POLDIP2: variants seen among roughly 807,000 people sequenced by gnomAD.
POLDIP2 encodes the protein DNA polymerase delta interacting protein 2, also known as polymerase delta-interacting protein 2.
In POLDIP2, 32 loss-of-function variants were observed where a neutral mutation model predicts 52.9. The observed-to-expected ratio is 0.61, with a 90% confidence interval of 0.46 to 0.81. The LOEUF is 0.81. Among genes scored for constraint, POLDIP2 ranks in the 40% least tolerant of loss-of-function variants. The probability of loss-of-function intolerance (pLI) is 0.00; values close to 1 mark genes in which losing one functional copy is unlikely to be tolerated. For missense variants in POLDIP2, 371 were observed against 477.3 expected, an observed-to-expected ratio of 0.78 and a Z score of 2.07; for synonymous variants, 183 against 183.0, an observed-to-expected ratio of 1.00 and a Z score of 0.00.
chr17:28,353,520 C>CAAAAAAAAAAAACAAAAAAAAAAAAAAAA (rs1907897562), intron 4 of POLDIP2, among the ~76,000 whole-genome samples, 175 bp downstream of exon 4: 1 of 54,814 alleles, frequency 1.8e-5, no homozygotes, highest in Non-Finnish European at 3.0e-5. Flanking sequence ...GACTCCATAT[C>CAAAAAAAAAAAACAAAAAAAAAAAAAAAA]AAAAAAAAAA....
intron 2 of POLDIP2, among the ~76,000 whole-genome samples, chr17:28,354,931 C>A (rs1907957633): frequency 6.6e-6 from 1 of 152,204 alleles, no homozygotes; most frequent in Admixed American, 6.5e-5. Context: ...TCTGATTTAA[C>A]CCTAATGCAC....
chr17:28,350,655 A>T (rs1338710904), intron 8 of POLDIP2, 92 bp from the exon 9 acceptor site: 1 of 1,560,484 alleles, frequency 6.4e-7, no homozygotes, highest in African/African-American at 1.4e-5. Flanking sequence ...AACAAAGCTG[A>T]CACATGCACT....
At position 28,353,520 on chromosome 17, in the gene POLDIP2, C is replaced by CAAAAAAAAAAAAAAA. The variant is rs71135829; in HGVS notation, c.438+160_438+174dup. On this transcript the variant is annotated intron_variant, in intron 4 of 10. Coordinates refer to ENST00000540200, the MANE Select transcript of POLDIP2 (RefSeq NM_015584.5). Reference sequence around the variant, plus strand: ...CTGGCGACAGAGTGAGACTCCATATCAAAAAAAAAAAAAAAGACGTGAATC... The same window carrying CAAAAAAAAAAAAAAA: ...CTGGCGACAGAGTGAGACTCCATATCAAAAAAAAAAAAAAAAAAAAAAAAAAAAAAGACGTGAATC... 2.2e-3 allele frequency among the ~76,000 whole-genome samples: 121 copies of CAAAAAAAAAAAAAAA among 54,738 alleles called. 20 individuals carry two copies. The highest frequency in any genetic ancestry group is 3.1e-3 in the Non-Finnish European group (101 of 33,006). 35.9% of individuals were successfully genotyped at this position (54,738 alleles called of 152,430 possible).
chr17:28,351,499 ACT>A (rs1269491760), intron 7 of POLDIP2, among the ~76,000 whole-genome samples, 163 bp downstream of exon 7: 1 of 152,150 alleles, frequency 6.6e-6, no homozygotes, highest in Non-Finnish European at 1.5e-5. Context: ...GGTGTCAGCC[ACT>A]GTCTAGAGGC....
intron 10 of POLDIP2, 45 bp from the exon 11 acceptor site, chr17:28,348,276 C>T: frequency 7.5e-7 from 1 of 1,330,688 alleles, no homozygotes; most frequent in Non-Finnish European, 1.1e-6. Flanking sequence ...AGGGCTGAGG[C>T]CTCCTAAGGA....
Position 28,353,762 on chromosome 17 carries a change from T to C in POLDIP2, c.371A>G (p.Lys124Arg). ...KAENPAGHGS[K>R]EVKGKTHTYY... Reference sequence around the variant, plus strand: ...AGTGTGAGTTTTGCCTTTCACCTCCTTGGAGCCATGGCCAGCAGGGTTCTC... The same window carrying C: ...AGTGTGAGTTTTGCCTTTCACCTCCCTGGAGCCATGGCCAGCAGGGTTCTC... Residue 124 changes from lysine to arginine, a missense_variant, in exon 4 of 11, where the codon AAG becomes AGG. By Grantham distance (26) the Lys-to-Arg change is conservative. Transcript: ENST00000540200. 3 of 1,613,312 alleles carry C rather than the reference T, an allele frequency of 1.9e-6. No individual in the cohort carries two copies. Among genetic ancestry groups the C allele is most frequent in the Non-Finnish European group, 2.5e-6 (3 of 1,179,486 alleles).
intron 3 of POLDIP2, among the ~76,000 whole-genome samples, chr17:28,354,198 G>A (rs1178045147): frequency 1.3e-5 from 2 of 152,100 alleles, no homozygotes; most frequent in East Asian, 1.9e-4. Flanking sequence ...GACTCCAGCT[G>A]AACATCAAGA....
rs1907807635 is a variant in POLDIP2, at chr17:28,351,869, C to T, written c.623-69G>A. On this transcript the variant is annotated intron_variant, in intron 6 of 10. Coordinates refer to ENST00000540200, the MANE Select transcript of POLDIP2 (RefSeq NM_015584.5). ...TACAATTGTATCTAGTCCAATCACA[C>T]AATAGTCCAGTGCGATTGCCCCTCC... The T allele has an allele frequency of 2.8e-6, 4 of 1,441,100 alleles. No individual in the cohort carries two copies. In the South Asian group the frequency reaches 3.4e-5, roughly 12 times the overall value. The allele number at this position is 1,441,100 out of a possible 1,614,324, so 89.3% of individuals were successfully genotyped here.
chr17:28,352,613 C>T (rs1555580229), intron 6 of POLDIP2, among the ~76,000 whole-genome samples: 2 of 148,136 alleles, frequency 1.4e-5, no homozygotes, highest in Non-Finnish European at 3.0e-5. Flanking sequence ...TCTCGGCTCA[C>T]TGCAACCTCC....
intron 4 of POLDIP2, among the ~76,000 whole-genome samples, 173 bp downstream of exon 4, chr17:28,353,520 CAA>C (rs71135829): frequency 9.1e-5 from 5 of 54,800 alleles, no homozygotes; most frequent in East Asian, 2.1e-3. Flanking sequence ...GACTCCATAT[CAA>C]AAAAAAAAAA....
chr17:28,348,171 G>C lies in POLDIP2; in HGVS notation c.1053C>G (p.Phe351Leu). 1 of 1,613,962 alleles carries C rather than the reference G, an allele frequency of 6.2e-7. No individual in the cohort carries two copies. The highest frequency in any genetic ancestry group is 8.5e-7 in the Non-Finnish European group (1 of 1,179,822). The change falls in exon 11 of 11, where the codon TTC becomes TTG. Residue 351 changes from phenylalanine to leucine, a missense_variant. Physicochemically the swap from Phe to Leu is conservative, Grantham distance 22. Coordinates refer to ENST00000540200, the MANE Select transcript of POLDIP2 (RefSeq NM_015584.5). ...GSHFDVRIPP[F>L]SLESNKDEKT... ...TCTCATCTTTATTGCTTTCCAGGGA[G>C]AAGGGAGGAATCCGAACATCAAAGT...
At chr17:28,353,658 G>A (rs372448666) in intron 4 of POLDIP2, 37 bp downstream of exon 4, 20 of 1,415,224 alleles carry the variant, frequency 1.4e-5, no homozygotes, top group Non-Finnish European at 4.0e-6. Context: ...ACTTTCCATG[G>A]AGAGGACCCC....
At chr17:28,356,006 C>A in intron 1 of POLDIP2, 130 bp from the exon 2 acceptor site, 1 of 669,222 alleles carries the variant, frequency 1.5e-6, no homozygotes, top group Non-Finnish European at 2.7e-6. Flanking sequence ...GGTAGTGGGA[C>A]CAGCTGGAGC....
In POLDIP2 at chr17:28,350,776, T is replaced by C. The variant is rs1555579835; in HGVS notation, c.776A>G (p.His259Arg). The change falls in exon 8 of 11, where the codon CAC (histidine) becomes CGC (arginine). Residue 259 changes from histidine (H) to arginine (R), a missense_variant. Transcript: ENST00000540200. ...YMGMREAQNSHVYWWRYCIRL... is the reference protein window; with the variant it reads ...YMGMREAQNSRVYWWRYCIRL... ...GACAGTGACACTCACCCAGTACACG[T>C]GGGAATTCTGGGCTTCCTAGGGAGA... is the stretch of plus-strand genomic sequence containing the variant. 3.1e-6 allele frequency: 5 copies of C among 1,594,010 alleles called. No individual in the cohort carries two copies. The highest frequency in any genetic ancestry group is 4.3e-6 in the Non-Finnish European group (5 of 1,170,184).
Position 28,355,825 on chromosome 17 carries a change from T to A in POLDIP2, c.213A>T (p.Pro71=), listed in dbSNP as rs1162123653. The change falls in exon 2 of 11, where the codon CCA becomes CCT. Residue 71 remains proline (P), a synonymous_variant. Coordinates refer to ENST00000540200, the MANE Select transcript of POLDIP2 (RefSeq NM_015584.5). The part of the protein sequence containing the change: ...VLETVGVFEV[P]KQNGKYETGQ... ...CGGTCTCATATTTTCCATTCTGTTT[T>A]GGCACCTCAAACACACCAACTGTCT... 1 of 1,613,242 alleles carries A rather than the reference T, an allele frequency of 6.2e-7. No individual in the cohort carries two copies.
rs932177005 is a variant in POLDIP2 at position 28,348,795 on chromosome 17, A to G, written c.992+288T>C. 9.9e-5 allele frequency among the ~76,000 whole-genome samples: 15 copies of G among 152,242 alleles called. No individual in the cohort carries two copies. The East Asian group carries it at 2.9e-3, about 29-fold the overall frequency. The stretch of plus-strand genomic sequence containing the variant: ...AAGCTAGCCAACTGCATTTTCAGGT[A>G]AAGGAGTGAAACACCAAGGGAAAAA... On this transcript the variant is annotated intron_variant, in intron 10 of 10. Transcript: ENST00000540200.
Position 28,355,837 on chromosome 17 carries a change from C to T in POLDIP2, c.201G>A (p.Val67=), listed in dbSNP as rs1908004530. ...PEGKVLETVG[V]FEVPKQNGKY... is the part of the protein sequence containing the mutation. ...TTCCATTCTGTTTTGGCACCTCAAA[C>T]ACACCAACTGTCTCCAACACTTTGC... Residue 67 remains valine, a synonymous_variant, in exon 2 of 11, where the codon GTG becomes GTA. Transcript: ENST00000540200. 6.2e-7 allele frequency: 1 copy of T among 1,613,200 alleles called. No individual in the cohort carries two copies. The highest frequency in any genetic ancestry group is 2.2e-5 in the East Asian group (1 of 44,868).
chr17:28,349,924 C>T (rs1185797485), intron 9 of POLDIP2, among the ~76,000 whole-genome samples: 1 of 152,148 alleles, frequency 6.6e-6, no homozygotes, highest in Admixed American at 6.5e-5. Flanking sequence ...TTGATAAATG[C>T]TTGTTGAATG....
chr17:28,352,262 G>A (rs114774094), intron 6 of POLDIP2, among the ~76,000 whole-genome samples: 727 of 20,204 alleles, frequency 0.036, 11 homozygotes, highest in African/African-American at 0.19. Flanking sequence ...TTTTGGAGAC[G>A]GAGTCTTGAT....
Sources: gnomAD v4.1 joint callset for allele counts (sites outside exome capture counted in the v4.1 genomes callset) on GRCh38, gnomAD v4.1.1 for gene constraint, MANE v1.5 for transcripts, NCBI Gene and HGNC (gene_info 2026-07-23, HGNC 2026-07-21) for gene names.